Variants in WDFY4 observed in about 807,000 individuals in gnomAD.
The protein encoded by WDFY4 is WDFY family member 4, also known as WD repeat- and FYVE domain-containing protein 4.
A neutral mutation model predicts 351.9 loss-of-function variants in WDFY4; 169 were observed. The observed-to-expected ratio is 0.48, with a 90% confidence interval of 0.42 to 0.55. The LOEUF (loss-of-function observed/expected upper bound fraction) is 0.55, where lower values mean the gene tolerates loss of function less well. Ranked by LOEUF, WDFY4 falls within the 20% of genes least tolerant of loss-of-function variation. The pLI, the probability that WDFY4 is intolerant of heterozygous loss-of-function variation, is 0.00. For synonymous variants in WDFY4, 1,622 were observed against 1,574.6 expected, an observed-to-expected ratio of 1.03 and a Z score of -0.71; for missense variants, 3,803 against 3,935.6, an observed-to-expected ratio of 0.97 and a Z score of 0.90.
intron 48 of WDFY4, 116 bp downstream of exon 48, chr10:48,941,964 T>C (rs1840789597): frequency 4.1e-6 from 4 of 985,014 alleles, no homozygotes; most frequent in Non-Finnish European, 5.9e-6. Context: ...TATTATTTAT[T>C]ATTATTATTA....
intron 1 of WDFY4, among the ~76,000 whole-genome samples, chr10:48,702,972 T>A (rs2063521593): frequency 6.6e-6 from 1 of 152,190 alleles, no homozygotes; most frequent in Admixed American, 6.5e-5. Flanking sequence ...ATGATGATGC[T>A]GTTGTCCGTA....
intron 47 of WDFY4, among the ~76,000 whole-genome samples, chr10:48,941,181 G>A (rs1294911163): frequency 6.6e-6 from 1 of 152,140 alleles, no homozygotes; most frequent in Non-Finnish European, 1.5e-5. Context: ...ATGCGAAAGG[G>A]CAGTGTGAGC....
At chr10:48,897,952 C>T (rs1564460470) in intron 45 of WDFY4, among the ~76,000 whole-genome samples, 2 of 152,186 alleles carry the variant, frequency 1.3e-5, no homozygotes, top group African/African-American at 2.4e-5. Flanking sequence ...TGCCTTCTGC[C>T]CTGTCCTGCC....
chr10:48,823,481 A>G (rs1479905872), intron 35 of WDFY4: 3 of 1,174,420 alleles, frequency 2.6e-6, no homozygotes, highest in African/African-American at 3.2e-5. Flanking sequence ...TCACCCACAG[A>G]CCTCAGGACT....
intron 1 of WDFY4, among the ~76,000 whole-genome samples, chr10:48,704,587 G>A (rs1361039173): frequency 6.6e-6 from 1 of 152,166 alleles, no homozygotes; most frequent in Non-Finnish European, 1.5e-5. Context: ...GTCTTCCCCA[G>A]CCTGTGTGAC....
chr10:48,771,379 A>C (rs2065860419), intron 13 of WDFY4, among the ~76,000 whole-genome samples: 1 of 152,182 alleles, frequency 6.6e-6, no homozygotes, highest in Admixed American at 6.5e-5. Context: ...TCTGAGCAAG[A>C]GTCATGTGCT....
chr10:48,956,697 G>C (rs1007336314), intron 51 of WDFY4, among the ~76,000 whole-genome samples: 2 of 152,120 alleles, frequency 1.3e-5, no homozygotes, highest in African/African-American at 4.8e-5. Context: ...CCTATGGTTG[G>C]TTCTTTATTT....
At chr10:48,920,257 C>T (rs1589891856) in intron 47 of WDFY4, among the ~76,000 whole-genome samples, 1 of 151,514 alleles carries the variant, frequency 6.6e-6, no homozygotes, top group African/African-American at 2.4e-5. Flanking sequence ...CACAAAAAAG[C>T]TAGAGCGGAC....
chr10:48,816,174 T>G (rs2067615204), intron 31 of WDFY4, among the ~76,000 whole-genome samples: 1 of 152,186 alleles, frequency 6.6e-6, no homozygotes, highest in Admixed American at 6.5e-5. Flanking sequence ...TCATGTCATT[T>G]TCTGTGTGAT....
chr10:48,821,565 C>A (rs1223101503), intron 34 of WDFY4, among the ~76,000 whole-genome samples: 9 of 152,208 alleles, frequency 5.9e-5, no homozygotes, highest in Admixed American at 5.9e-4. Context: ...GTTTCTTAAA[C>A]AATGAACCTG....
intron 35 of WDFY4, among the ~76,000 whole-genome samples, chr10:48,826,058 A>G (rs1330522520): frequency 1.3e-5 from 2 of 152,186 alleles, no homozygotes; most frequent in East Asian, 3.8e-4. Context: ...GGTATTGCCT[A>G]GATTTTCTTC....
intron 39 of WDFY4, among the ~76,000 whole-genome samples, chr10:48,834,320 G>A (rs1156761806): frequency 6.6e-6 from 1 of 152,188 alleles, no homozygotes; most frequent in Admixed American, 6.5e-5. Context: ...ATGTCAGAGT[G>A]AAGATAGGAT....
intron 7 of WDFY4, among the ~76,000 whole-genome samples, chr10:48,727,952 T>G (rs2064325395): frequency 6.6e-6 from 1 of 152,180 alleles, no homozygotes; most frequent in Admixed American, 6.5e-5. Context: ...CTTCTGGCAC[T>G]GCTGTAAGCT....
intron 53 of WDFY4, among the ~76,000 whole-genome samples, chr10:48,961,059 C>T (rs1841838861): frequency 6.6e-6 from 1 of 152,164 alleles, no homozygotes; most frequent in Non-Finnish European, 1.5e-5. Flanking sequence ...TTTAAAAGGG[C>T]AAGTTTTATT....
intron 41 of WDFY4, among the ~76,000 whole-genome samples, chr10:48,874,263 G>A (rs115534730): frequency 0.012 from 1,789 of 152,306 alleles, 30 homozygotes; most frequent in African/African-American, 0.041. Flanking sequence ...CTCTAATGAA[G>A]CTTGAACTGT....
rs545115896 is a variant in WDFY4, at chr10:48,815,703, C to T, written c.5341-1542C>T. Among the ~76,000 whole-genome samples the T allele has an allele frequency of 2.0e-5, 3 of 152,042 alleles. No individual in the cohort carries two copies. The South Asian group carries it at 6.2e-4, about 32-fold the overall frequency. ...GTGTTTTTATCGTTATTATTAGATA[C>T]CCTTTTAGCACACAGTTAGATAATC... On this transcript the variant is annotated intron_variant, in intron 31 of 61. Transcript: ENST00000325239.
chr10:48,736,113 T>C (rs1589486656), intron 11 of WDFY4, 43 bp downstream of exon 11: 2 of 1,546,820 alleles, frequency 1.3e-6, no homozygotes, highest in Non-Finnish European at 1.8e-6. Context: ...CCTGTGGATA[T>C]GCACCAAGCG....
chr10:48,766,105 A>G (rs1488949405), intron 13 of WDFY4, among the ~76,000 whole-genome samples: 2 of 152,314 alleles, frequency 1.3e-5, no homozygotes, highest in South Asian at 2.1e-4. Flanking sequence ...ATTTCCACCA[A>G]CAAGGAAATT....
rs141579331 is a variant in WDFY4 at position 48,890,519 on chromosome 10, C to T, written c.7168-60C>T. ...GGCTGGTCACTACCCTCCTGTTTCC[C>T]CCAAGAATCATGGGCATGCTTCCTG... On this transcript the variant is annotated intron_variant, in intron 43 of 61. Coordinates refer to ENST00000325239, the MANE Select transcript of WDFY4 (RefSeq NM_001394531.1). The T allele has an allele frequency of 2.3e-4, 353 of 1,547,530 alleles. No homozygotes were observed. The African/African-American group carries it at 4.2e-3, about 19-fold the overall frequency.
Sources: gnomAD v4.1 joint callset for allele counts (sites outside exome capture counted in the v4.1 genomes callset) on GRCh38, gnomAD v4.1.1 for gene constraint, MANE v1.5 for transcripts, NCBI Gene and HGNC (gene_info 2026-07-23, HGNC 2026-07-21) for gene names.